MAGI3: variants seen among roughly 807,000 people sequenced by gnomAD.
MAGI3 encodes membrane associated guanylate kinase, WW and PDZ domain containing 3.
Under a neutral mutation model 121.8 loss-of-function variants are expected in MAGI3, and 43 were observed. That is an observed-to-expected ratio of 0.35 (90% confidence interval 0.28 to 0.46). The LOEUF (loss-of-function observed/expected upper bound fraction) is 0.46, where lower values mean the gene tolerates loss of function less well. Ranked by LOEUF, MAGI3 falls within the 20% of genes least tolerant of loss-of-function variation. The pLI is 1.00. For missense variants in MAGI3, 1,547 were observed against 1,797.3 expected, an observed-to-expected ratio of 0.86 and a Z score of 2.52; for synonymous variants, 553 against 639.3, an observed-to-expected ratio of 0.86 and a Z score of 2.04.
At chr1:113,598,571 TA>T (rs912196591) in intron 6 of MAGI3, among the ~76,000 whole-genome samples, 11 of 149,458 alleles carry the variant, frequency 7.4e-5, no homozygotes, top group South Asian at 4.3e-4. Context: ...CAACAACAGT[TA>T]AAAAAAAAGA....
chr1:113,573,986 G>A (rs1240131874), intron 2 of MAGI3, among the ~76,000 whole-genome samples: 4 of 151,978 alleles, frequency 2.6e-5, no homozygotes, highest in Admixed American at 2.6e-4. Flanking sequence ...TTTAAAGTCT[G>A]TTTTATCAGA....
chr1:113,681,335 T>C lies in MAGI3; in HGVS notation c.3327T>C (p.His1109=). The change falls in exon 20 of 21, where the codon CAT becomes CAC. Residue 1109 remains histidine, a splice_region_variant and synonymous_variant. Transcript: ENST00000307546. ...CAGGAACTGGCTTGATACCTGACCA[T>C]GGTAAGTAAAGTAGCCCACTAGTAG... is the stretch of plus-strand genomic sequence containing the variant. ...LRPGTGLIPD[H]GDWDINNPSS... The C allele has an allele frequency of 6.2e-7, 1 of 1,613,008 alleles. No individual in the cohort carries two copies. The highest frequency in any genetic ancestry group is 8.5e-7 in the Non-Finnish European group (1 of 1,179,684).
rs1412587410 is a variant in MAGI3, at chr1:113,681,347, T to C, written c.3328+11T>C. ...TGATACCTGACCATGGTAAGTAAAGTAGCCCACTAGTAGCTGAAAAGTTGT... is the reference window on the plus strand; with the variant it reads ...TGATACCTGACCATGGTAAGTAAAGCAGCCCACTAGTAGCTGAAAAGTTGT... On this transcript the variant is annotated intron_variant, in intron 20 of 20. Transcript: ENST00000307546. 1 of 1,610,340 alleles carries C rather than the reference T, an allele frequency of 6.2e-7. No individual in the cohort carries two copies. Among genetic ancestry groups the C allele is most frequent in the South Asian group, 1.1e-5 (1 of 90,294 alleles).
chr1:113,601,971 A>G (rs1294340586), intron 6 of MAGI3, among the ~76,000 whole-genome samples: 1 of 151,860 alleles, frequency 6.6e-6, no homozygotes, highest in Non-Finnish European at 1.5e-5. Flanking sequence ...CTATCGCAAG[A>G]ACAAAAAACC....
intron 16 of MAGI3, among the ~76,000 whole-genome samples, chr1:113,661,062 A>G (rs192789850): frequency 2.0e-5 from 3 of 152,192 alleles, no homozygotes; most frequent in Admixed American, 2.0e-4. Flanking sequence ...ACAGATACCT[A>G]TTAGCTAGTT....
chr1:113,436,778 C>CT, intron 1 of MAGI3, among the ~76,000 whole-genome samples: 1 of 136,934 alleles, frequency 7.3e-6, no homozygotes, highest in South Asian at 2.4e-4. Context: ...TTCTGTTATT[C>CT]TGTTTTCTTT....
chr1:113,437,901 TCTC>T (rs1653701047), intron 1 of MAGI3, among the ~76,000 whole-genome samples: 1 of 4,506 alleles, frequency 2.2e-4, no homozygotes, highest in East Asian at 0.036. Flanking sequence ...TCCTTCTCCT[TCTC>T]CTTCTCCTTC....
chr1:113,407,691 T>C (rs548111375), intron 1 of MAGI3, among the ~76,000 whole-genome samples: 19 of 152,154 alleles, frequency 1.2e-4, no homozygotes, highest in African/African-American at 4.6e-4. Flanking sequence ...AAAAATATGC[T>C]CAAGGTCGTA....
intron 1 of MAGI3, among the ~76,000 whole-genome samples, chr1:113,484,448 G>A (rs1259936838): frequency 6.6e-6 from 1 of 151,926 alleles, no homozygotes; most frequent in East Asian, 1.9e-4. Flanking sequence ...TCATTCTTAT[G>A]CCTTTGTATC....
intron 14 of MAGI3, among the ~76,000 whole-genome samples, chr1:113,653,558 C>A (rs1653298358): frequency 6.6e-6 from 1 of 151,322 alleles, no homozygotes; most frequent in Non-Finnish European, 1.5e-5. Context: ...GGTGACAGAG[C>A]AAGACGCCAT....
At chr1:113,601,405 G>A (rs1649371519) in intron 6 of MAGI3, among the ~76,000 whole-genome samples, 1 of 150,906 alleles carries the variant, frequency 6.6e-6, no homozygotes, top group South Asian at 2.1e-4. Flanking sequence ...TCAAAAAGTG[G>A]GCAAAGGACA....
At chr1:113,551,665 T>C (rs761412977) in intron 2 of MAGI3, among the ~76,000 whole-genome samples, 16 of 152,208 alleles carry the variant, frequency 1.1e-4, no homozygotes, top group South Asian at 4.1e-4. Context: ...TAGACTTTAC[T>C]CAGTAGCCAG....
Position 113,446,555 on chromosome 1 carries a change from G to A in MAGI3, c.316+55206G>A, listed in dbSNP as rs75470193. Among the ~76,000 whole-genome samples, 1,330 of 152,188 alleles carry A rather than the reference G, an allele frequency of 8.7e-3. 41 individuals carry two copies. In the East Asian group the frequency reaches 0.093, roughly 11 times the overall value. On this transcript the variant is annotated intron_variant, in intron 1 of 20. Transcript: ENST00000307546. The stretch of plus-strand genomic sequence containing the variant: ...CAATAAATGCTTTAAACTTAAATGC[G>A]TTAAACTCTTCAACCAAAAGACAGA...
intron 1 of MAGI3, among the ~76,000 whole-genome samples, chr1:113,448,343 A>G (rs1654288225): frequency 6.6e-6 from 1 of 152,236 alleles, no homozygotes. Context: ...TGATTATTCT[A>G]ATAAAGATCC....
intron 9 of MAGI3, among the ~76,000 whole-genome samples, chr1:113,639,165 T>G (rs1202737522): frequency 6.6e-6 from 1 of 152,234 alleles, no homozygotes; most frequent in Non-Finnish European, 1.5e-5. Context: ...GAAAGGGAAC[T>G]CCCTGACCCC....
intron 6 of MAGI3, among the ~76,000 whole-genome samples, chr1:113,596,975 T>C (rs1649048078): frequency 6.6e-6 from 1 of 152,158 alleles, no homozygotes; most frequent in East Asian, 1.9e-4. Flanking sequence ...CCTAGGTATC[T>C]ACCCAAGAGG....
intron 1 of MAGI3, among the ~76,000 whole-genome samples, chr1:113,544,757 C>G (rs1033148366): frequency 2.0e-5 from 3 of 152,192 alleles, no homozygotes; most frequent in African/African-American, 7.2e-5. Flanking sequence ...GAAGAGATAG[C>G]TCACTGTCTG....
At chr1:113,443,456 A>C (rs557700357) in intron 1 of MAGI3, among the ~76,000 whole-genome samples, 20 of 152,324 alleles carry the variant, frequency 1.3e-4, no homozygotes, top group African/African-American at 3.8e-4. Flanking sequence ...CAGAGTAAAA[A>C]TTAGCAGACG....
intron 1 of MAGI3, among the ~76,000 whole-genome samples, chr1:113,503,298 C>A (rs1299993045): frequency 1.9e-5 from 2 of 104,496 alleles, no homozygotes. Context: ...CAAAGCGAGA[C>A]CCTGTCTCAG....
Sources: gnomAD v4.1 joint callset for allele counts (sites outside exome capture counted in the v4.1 genomes callset) on GRCh38, gnomAD v4.1.1 for gene constraint, MANE v1.5 for transcripts, NCBI Gene and HGNC (gene_info 2026-07-23, HGNC 2026-07-21) for gene names.